Variants in TMEM131 observed in about 807,000 individuals in gnomAD.
The protein encoded by TMEM131 is 2610524E03Rik.
TMEM131 carries 66 observed loss-of-function variants against 211.6 expected under a neutral mutation model. The observed-to-expected ratio is 0.31, with a 90% confidence interval of 0.26 to 0.38. The LOEUF is 0.38. Among genes scored for constraint, TMEM131 ranks in the 10% least tolerant of loss-of-function variants. The pLI is 1.00. For synonymous variants in TMEM131, 844 were observed against 841.3 expected, an observed-to-expected ratio of 1.00 and a Z score of -0.06; for missense variants, 2,036 against 2,299.3, an observed-to-expected ratio of 0.89 and a Z score of 2.34.
At chr2:97,768,030 T>A (rs1263275544) in intron 33 of TMEM131, among the ~76,000 whole-genome samples, 1 of 151,918 alleles carries the variant, frequency 6.6e-6, no homozygotes, top group South Asian at 2.1e-4. Context: ...GAAGGCTATT[T>A]ACAAACATTT....
Position 97,805,567 on chromosome 2 carries a change from G to A in TMEM131, c.2192C>T (p.Pro731Leu), listed in dbSNP as rs763696616. ...RLRGNKEDLE[P>L]GKKSKIANIY... ...TCTTCAAACCTTTGATTTTTTTCCT[G>A]GCTCCAAGTCTTCCTTATTGCCCCG... The change falls in exon 20 of 41, where the codon CCA (proline) becomes CTA (leucine). Residue 731 changes from proline (P) to leucine (L), a missense_variant. Coordinates refer to ENST00000186436, the MANE Select transcript of TMEM131 (RefSeq NM_015348.2). The A allele has an allele frequency of 3.1e-6, 5 of 1,606,790 alleles. No individual in the cohort carries two copies. The highest frequency in any genetic ancestry group is 3.4e-6 in the Non-Finnish European group (4 of 1,175,470).
chr2:97,924,827 C>A (rs949447933), intron 2 of TMEM131, among the ~76,000 whole-genome samples: 1 of 152,140 alleles, frequency 6.6e-6, no homozygotes, highest in South Asian at 2.1e-4. Flanking sequence ...GGACTCTCAA[C>A]CCCCCTTTAA....
chr2:97,806,139 A>AT (rs954619507), intron 19 of TMEM131, among the ~76,000 whole-genome samples: 3 of 152,150 alleles, frequency 2.0e-5, no homozygotes, highest in African/African-American at 7.2e-5. Flanking sequence ...CAAAATCACA[A>AT]TTTTTTTTAA....
chr2:97,762,418 C>G, intron 35 of TMEM131: 1 of 478,000 alleles, frequency 2.1e-6, no homozygotes, highest in Non-Finnish European at 3.7e-6. Context: ...CGTGCCCGGT[C>G]CCTGCTGTGT....
intron 1 of TMEM131, 108 bp from the exon 2 acceptor site, chr2:97,927,595 T>G: frequency 1.2e-6 from 1 of 816,880 alleles, no homozygotes; most frequent in Non-Finnish European, 1.7e-6. Flanking sequence ...AAAAATGGAC[T>G]GCTTAATGGT....
At position 97,792,583 on chromosome 2, in the gene TMEM131, G is replaced by A. The variant is rs12995673; in HGVS notation, c.3947C>T (p.Pro1316Leu). ...GGCGGGAGACAGCCTTTCAGGCTGC[G>A]GCTCCTGGGGCTGAGGCACTGGCGG... is the stretch of plus-strand genomic sequence containing the variant. ...LPPPVPQPQE[P>L]QPERLSPAPL... Residue 1316 changes from proline (P) to leucine (L), a missense_variant, in exon 31 of 41, where the codon CCG becomes CTG. Transcript: ENST00000186436. The A allele has an allele frequency of 0.34, 555,165 of 1,612,286 alleles. 106,957 individuals are homozygous for A. Among genetic ancestry groups the A allele is most frequent in the Non-Finnish European group, 0.39 (459,560 of 1,179,056 alleles).
chr2:97,944,284 G>A (rs749284678), intron 1 of TMEM131, among the ~76,000 whole-genome samples: 16 of 151,996 alleles, frequency 1.1e-4, no homozygotes, highest in African/African-American at 3.9e-4. Flanking sequence ...GCTTGGAAAA[G>A]AATGAGGACG....
At chr2:97,871,165 C>T (rs1028870457) in intron 4 of TMEM131, among the ~76,000 whole-genome samples, 3 of 152,074 alleles carry the variant, frequency 2.0e-5, no homozygotes, top group African/African-American at 7.2e-5. Flanking sequence ...TTTTAGTAAA[C>T]CAAGTTTCTA....
intron 5 of TMEM131, among the ~76,000 whole-genome samples, chr2:97,850,163 T>C (rs1171166479): frequency 1.3e-5 from 2 of 151,856 alleles, no homozygotes; most frequent in Non-Finnish European, 2.9e-5. Flanking sequence ...ATGCCAGTGC[T>C]TGTAATACAG....
At chr2:97,843,120 T>C (rs1414194738) in intron 6 of TMEM131, among the ~76,000 whole-genome samples, 4 of 149,640 alleles carry the variant, frequency 2.7e-5, no homozygotes, top group Non-Finnish European at 5.9e-5. Context: ...GAGCTAACAC[T>C]CAAGTTCCAC....
At chr2:97,974,948 C>T (rs975750351) in intron 1 of TMEM131, among the ~76,000 whole-genome samples, 2 of 152,120 alleles carry the variant, frequency 1.3e-5, no homozygotes, top group African/African-American at 4.8e-5. Flanking sequence ...AAATGGTGAA[C>T]TTGAACAGCA....
intron 2 of TMEM131, chr2:97,911,663 G>A: frequency 2.0e-6 from 2 of 985,118 alleles, no homozygotes; most frequent in Non-Finnish European, 2.4e-6. Flanking sequence ...GATACTCAAT[G>A]CAAAGGATCT....
intron 22 of TMEM131, 103 bp downstream of exon 22, chr2:97,804,985 T>C (rs1484203278): frequency 1.2e-6 from 1 of 834,172 alleles, no homozygotes; most frequent in Non-Finnish European, 1.8e-6. Context: ...CTTTCTTAGC[T>C]ATAAAGCAAA....
chr2:97,759,566 G>T, intron 39 of TMEM131, 86 bp downstream of exon 39: 1 of 1,174,892 alleles, frequency 8.5e-7, no homozygotes, highest in Non-Finnish European at 1.2e-6. Context: ...CTGCTGTGCT[G>T]TGTTCTCCAG....
chr2:97,892,940 C>T (rs954476276), intron 3 of TMEM131, among the ~76,000 whole-genome samples: 1 of 152,012 alleles, frequency 6.6e-6, no homozygotes, highest in Non-Finnish European at 1.5e-5. Context: ...GGTACATGTG[C>T]AGAACGTGAA....
At chr2:97,856,084 TAAAGA>T in intron 5 of TMEM131, among the ~76,000 whole-genome samples, 1 of 152,130 alleles carries the variant, frequency 6.6e-6, no homozygotes, top group Non-Finnish European at 1.5e-5. Context: ...TTCTAGTCAA[TAAAGA>T]AAACATTTTT....
At position 97,888,093 on chromosome 2, in the gene TMEM131, C is replaced by T. The variant is rs891060308; in HGVS notation, c.318G>A (p.Arg106=). 13 of 1,613,404 alleles carry T rather than the reference C, an allele frequency of 8.1e-6. No homozygotes were observed. The highest frequency in any genetic ancestry group is 1.6e-4 in the Middle Eastern group (1 of 6,078). ...GCATTGGTGGCTCAAATCGTATGGGCCTGCAATTCCCCCGGTAGAGAGATA... is the reference window on the plus strand; with the variant it reads ...GCATTGGTGGCTCAAATCGTATGGGTCTGCAATTCCCCCGGTAGAGAGATA... ...KSISLYRGNC[R]PIRFEPPMLD... is the part of the protein sequence containing the mutation. The change falls in exon 4 of 41, where the codon AGG becomes AGA. Residue 106 remains arginine, a synonymous_variant. Coordinates refer to ENST00000186436, the MANE Select transcript of TMEM131 (RefSeq NM_015348.2).
At chr2:97,925,595 C>T (rs1360383621) in intron 2 of TMEM131, among the ~76,000 whole-genome samples, 1 of 152,136 alleles carries the variant, frequency 6.6e-6, no homozygotes, top group African/African-American at 2.4e-5. Flanking sequence ...GCACATGCAT[C>T]GTGCCGTGGA....
rs770972066 is a variant in TMEM131, at chr2:97,801,882, T to C, written c.2718+13A>G. On this transcript the variant is annotated intron_variant, in intron 25 of 40. Coordinates refer to ENST00000186436, the MANE Select transcript of TMEM131 (RefSeq NM_015348.2). The stretch of plus-strand genomic sequence containing the variant: ...ATAATTTCTTTGGAATAGTATGAAG[T>C]TTGAATACTTACACTGTTTCTGAAG... 1.3e-6 allele frequency: 2 copies of C among 1,568,580 alleles called. No homozygotes were observed. Among genetic ancestry groups the C allele is most frequent in the Non-Finnish European group, 8.7e-7 (1 of 1,149,124 alleles).
Sources: allele counts gnomAD v4.1 joint callset (sites outside exome capture counted in the v4.1 genomes callset), GRCh38; gene constraint gnomAD v4.1.1; transcripts MANE v1.5; gene names NCBI Gene and HGNC (gene_info 2026-07-23, HGNC 2026-07-21).